The following AADACL4 variants were observed in gnomAD, a reference collection of about 807,000 sequenced individuals.
AADACL4 encodes arylacetamide deacetylase like 4.
In AADACL4, 9 loss-of-function variants were observed where a neutral mutation model predicts 14.1. The observed-to-expected ratio is 0.64, with a 90% CI of 0.39 to 1.12. AADACL4 has a LOEUF of 1.12. Among genes scored for constraint, AADACL4 ranks in the 50% most tolerant of loss-of-function variants. The pLI, the probability that AADACL4 is intolerant of heterozygous loss-of-function variation, is 0.01. For missense variants in AADACL4, 531 were observed against 516.1 expected (o/e 1.03, Z -0.28); for synonymous variants, 188 against 201.6 (o/e 0.93, Z 0.57).
At chr1:12,649,468 C>T (rs1200432255) in intron 1 of AADACL4, among the ~76,000 whole-genome samples, 4 of 152,130 alleles carry the variant, frequency 2.6e-5, no homozygotes, top group African/African-American at 9.7e-5. Flanking sequence ...AACATAGAGG[C>T]CTGGGGTTTT....
intron 1 of AADACL4, among the ~76,000 whole-genome samples, chr1:12,645,269 CCCTT>C (rs560623316): frequency 0.026 from 3,280 of 126,150 alleles, 54 homozygotes; most frequent in Non-Finnish European, 0.029. Flanking sequence ...CTCCCTCCCT[CCCTT>C]CCTTCCTTGT....
In AADACL4 at chr1:12,666,471, T is replaced by C. The variant is rs1271680350; in HGVS notation, c.960T>C (p.Asp320=). Residue 320 remains aspartate, a synonymous_variant, in exon 4 of 4, where the codon GAT becomes GAC. Transcript: ENST00000376221. The stretch of plus-strand genomic sequence containing the variant: ...ATCTAGAAGCCAAACATATGCTGGA[T>C]GTAGAAAATTCACCCCTGATAGCAG... The part of the protein sequence containing the change: ...AAYLEAKHML[D]VENSPLIADD... The C allele has an allele frequency of 6.2e-7, 1 of 1,614,056 alleles. No homozygotes were observed. The highest frequency in any genetic ancestry group is 2.2e-5 in the East Asian group (1 of 44,894).
chr1:12,661,911 T>G, intron 3 of AADACL4, 57 bp downstream of exon 3: 1 of 1,561,398 alleles, frequency 6.4e-7, no homozygotes, highest in Non-Finnish European at 8.8e-7. Context: ...ATAGGGTAAG[T>G]TCATGGGTGA....
rs1429577426 is a variant in AADACL4 at position 12,655,632 on chromosome 1, C to G, written c.385+4293C>G. Among the ~76,000 whole-genome samples the G allele has an allele frequency of 2.6e-5, 4 of 152,016 alleles. No individual in the cohort carries two copies. The East Asian group carries it at 7.7e-4, about 29-fold the overall frequency. On this transcript the variant is annotated intron_variant, in intron 2 of 3. Transcript: ENST00000376221. ...TTTCACCAACGACTGAAGCCTCCCT[C>G]TGGGTGACCCTGGGTTTGTGGGGCA...
At chr1:12,655,540 G>A (rs1482680058) in intron 2 of AADACL4, among the ~76,000 whole-genome samples, 1 of 151,800 alleles carries the variant, frequency 6.6e-6, no homozygotes, top group East Asian at 1.9e-4. Flanking sequence ...GGACATCATT[G>A]CTCCAGTGTC....
chr1:12,666,204 G>A lies in AADACL4; in HGVS notation c.693G>A (p.Gln231=). The A allele has an allele frequency of 2.5e-6, 4 of 1,614,248 alleles. No individual in the cohort carries two copies. The highest frequency in any genetic ancestry group is 3.4e-6 in the Non-Finnish European group (4 of 1,180,048). The part of the protein sequence containing the change: ...IYPVVQAFCL[Q]LPSFQQNQNV... Reference sequence around the variant, plus strand: ...CAGTTGTCCAGGCATTCTGTTTGCAGTTGCCATCCTTTCAGCAGAACCAAA... The same window carrying A: ...CAGTTGTCCAGGCATTCTGTTTGCAATTGCCATCCTTTCAGCAGAACCAAA... The change falls in exon 4 of 4, where the codon CAG becomes CAA. Residue 231 remains glutamine (Q), a synonymous_variant. Coordinates refer to ENST00000376221, the MANE Select transcript of AADACL4 (RefSeq NM_001013630.2).
At chr1:12,646,230 G>A (rs540574858) in intron 1 of AADACL4, among the ~76,000 whole-genome samples, 36 of 152,290 alleles carry the variant, frequency 2.4e-4, no homozygotes, top group African/African-American at 7.9e-4. Flanking sequence ...GACAGCAGCC[G>A]GACTGCCTGA....
At position 12,644,596 on chromosome 1, in the gene AADACL4, T is replaced by TG; in HGVS notation, c.55dup (p.Val19GlyfsTer8). 1 of 1,614,188 alleles carries TG rather than the reference T, an allele frequency of 6.2e-7. No individual in the cohort carries two copies. Among genetic ancestry groups the TG allele is most frequent in the East Asian group, 2.2e-5 (1 of 44,882 alleles). On this transcript the variant is annotated frameshift_variant, in exon 1 of 4. Transcript: ENST00000376221. LOFTEE classifies it high-confidence loss of function. The stretch of plus-strand genomic sequence containing the variant: ...CTCTTGGCATTGCCCATCTTTTTCC[T>TG]GGGGGTCTTTGTCTGGGCTGTCTTT...
At chr1:12,653,841 C>G (rs1417988231) in intron 2 of AADACL4, among the ~76,000 whole-genome samples, 2 of 152,192 alleles carry the variant, frequency 1.3e-5, no homozygotes, top group African/African-American at 4.8e-5. Flanking sequence ...CCTATACCCT[C>G]TTTTTCCCAG....
At chr1:12,652,221 C>T (rs533104347) in intron 2 of AADACL4, among the ~76,000 whole-genome samples, 293 of 152,284 alleles carry the variant, frequency 1.9e-3, no homozygotes, top group Middle Eastern at 6.8e-3. Flanking sequence ...CTCCCACAGC[C>T]TCACCCGGGT....
intron 2 of AADACL4, among the ~76,000 whole-genome samples, chr1:12,660,308 T>G (rs1647216376): frequency 6.6e-6 from 1 of 152,202 alleles, no homozygotes; most frequent in Non-Finnish European, 1.5e-5. Context: ...TAATTGTGAT[T>G]TCTTAATTGC....
chr1:12,664,962 C>T (rs1382865214), intron 3 of AADACL4, among the ~76,000 whole-genome samples: 1 of 152,200 alleles, frequency 6.6e-6, no homozygotes, highest in East Asian at 1.9e-4. Flanking sequence ...TAGTGTTCTT[C>T]ACCAGCTGCT....
intron 1 of AADACL4, among the ~76,000 whole-genome samples, chr1:12,647,965 C>A (rs1221734653): frequency 6.6e-6 from 1 of 151,908 alleles, no homozygotes. Flanking sequence ...GCCACTATCG[C>A]TTTTCTGTTT....
chr1:12,664,247 G>A (rs551635690), intron 3 of AADACL4, among the ~76,000 whole-genome samples: 175 of 152,172 alleles, frequency 1.2e-3, no homozygotes, highest in African/African-American at 3.4e-3. Context: ...TAATTTTGTC[G>A]TTCTAAGTTG....
At chr1:12,661,732 T>C in intron 2 of AADACL4, 59 bp from the exon 3 acceptor site, 1 of 1,523,762 alleles carries the variant, frequency 6.6e-7, no homozygotes, top group South Asian at 1.1e-5. Context: ...CTGGGGGCTG[T>C]GGTGAGATGG....
chr1:12,648,345 G>GATCC (rs879554426), intron 1 of AADACL4, among the ~76,000 whole-genome samples: 4,700 of 132,920 alleles, frequency 0.035, 89 homozygotes, highest in Middle Eastern at 0.071. Context: ...CTGGACCTCA[G>GATCC]ATCCTTCCTT....
intron 3 of AADACL4, among the ~76,000 whole-genome samples, chr1:12,664,406 T>C (rs1647278844): frequency 6.6e-6 from 1 of 151,886 alleles, no homozygotes; most frequent in African/African-American, 2.4e-5. Flanking sequence ...TCTCACTCTC[T>C]CCCAGGCTGG....
At chr1:12,661,744 T>C in intron 2 of AADACL4, 47 bp from the exon 3 acceptor site, 2 of 1,580,792 alleles carry the variant, frequency 1.3e-6, no homozygotes, top group Non-Finnish European at 1.7e-6. Context: ...GTGAGATGGT[T>C]TGGGTCCTAC....
rs563184092 is a variant in AADACL4 at position 12,644,813 on chromosome 1, T to G, written c.168+99T>G. ...CTCTTTCACTTCCCTTCTGTCTCTC[T>G]CTCTTCGGACTCCCTCAAGATAGAC... On this transcript the variant is annotated intron_variant, in intron 1 of 3. Coordinates refer to ENST00000376221, the MANE Select transcript of AADACL4 (RefSeq NM_001013630.2). 27 of 1,326,578 alleles carry G rather than the reference T, an allele frequency of 2.0e-5. No homozygotes were observed. The South Asian group carries it at 3.3e-4, about 16-fold the overall frequency. The allele number at this position is 1,326,578 out of a possible 1,614,324, so 82.2% of individuals were successfully genotyped here. A position where few individuals can be genotyped will look rare whatever the true frequency, so the allele number is the denominator to read the frequency against.
Sources: allele counts gnomAD v4.1 joint callset (sites outside exome capture counted in the v4.1 genomes callset), GRCh38; gene constraint gnomAD v4.1.1; transcripts MANE v1.5; gene names NCBI Gene and HGNC (gene_info 2026-07-23, HGNC 2026-07-21).